Variants in NEK10 observed in about 807,000 individuals in gnomAD.
NEK10 encodes the protein NIMA related kinase 10, also known as serine/threonine-protein kinase Nek10.
NEK10 carries 122 observed loss-of-function variants against 159.8 expected under a neutral mutation model. The observed-to-expected ratio is 0.76, with a 90% CI of 0.66 to 0.89. The LOEUF is 0.89. Ranked by LOEUF, NEK10 falls within the 40% of genes least tolerant of loss-of-function variation. The pLI is 0.00. For missense variants in NEK10, 1,342 were observed against 1,323.1 expected, an observed-to-expected ratio of 1.01 and a Z score of -0.22; for synonymous variants, 466 against 457.1, an observed-to-expected ratio of 1.02 and a Z score of -0.25.
intron 22 of NEK10, among the ~76,000 whole-genome samples, chr3:27,267,667 T>A (rs1344394829): frequency 6.6e-6 from 1 of 152,218 alleles, no homozygotes; most frequent in East Asian, 1.9e-4. Context: ...GACTGCTACA[T>A]TGACTGGCTG....
intron 5 of NEK10, among the ~76,000 whole-genome samples, chr3:27,333,689 G>A (rs2046589646): frequency 6.6e-6 from 1 of 152,114 alleles, no homozygotes; most frequent in Non-Finnish European, 1.5e-5. Flanking sequence ...CCATACCCAG[G>A]TAGGAGGCAT....
intron 23 of NEK10, among the ~76,000 whole-genome samples, chr3:27,247,710 C>T (rs898968560): frequency 1.3e-5 from 2 of 151,622 alleles, no homozygotes; most frequent in African/African-American, 2.4e-5. Flanking sequence ...TAATATTTTG[C>T]ATTGTTAGTA....
At chr3:27,256,015 C>T (rs143352893) in intron 23 of NEK10, among the ~76,000 whole-genome samples, 2 of 152,236 alleles carry the variant, frequency 1.3e-5, no homozygotes, top group East Asian at 3.9e-4. Flanking sequence ...ACAACTATTG[C>T]ACACCTACTA....
chr3:27,307,044 C>T (rs4973871), intron 11 of NEK10, among the ~76,000 whole-genome samples: 35,275 of 152,088 alleles, frequency 0.23, 4,449 homozygotes, highest in Middle Eastern at 0.37. Context: ...CATCTGTCTA[C>T]CGTATCAGTT....
chr3:27,223,758 T>C (rs1952356749), intron 23 of NEK10, among the ~76,000 whole-genome samples: 1 of 152,134 alleles, frequency 6.6e-6, no homozygotes, highest in African/African-American at 2.4e-5. Flanking sequence ...TGACCCTATG[T>C]CTCCTTACCA....
At chr3:27,208,949 A>C (rs1047080755) in intron 23 of NEK10, among the ~76,000 whole-genome samples, 4 of 152,212 alleles carry the variant, frequency 2.6e-5, no homozygotes, top group Admixed American at 6.5e-5. Context: ...ACTTTTCTGA[A>C]CACAAACCTC....
intron 31 of NEK10, among the ~76,000 whole-genome samples, chr3:27,134,502 T>C (rs1202079361): frequency 6.6e-6 from 1 of 152,204 alleles, no homozygotes; most frequent in Non-Finnish European, 1.5e-5. Context: ...GCTCATAGCT[T>C]CCTTCAAAGG....
intron 23 of NEK10, among the ~76,000 whole-genome samples, chr3:27,220,699 C>T (rs372249184): frequency 2.0e-5 from 3 of 151,754 alleles, no homozygotes; most frequent in East Asian, 1.9e-4. Context: ...TAGAAACACA[C>T]GGGACACAGA....
chr3:27,287,677 A>G, intron 20 of NEK10, 21 bp downstream of exon 20: 1 of 1,559,142 alleles, frequency 6.4e-7, no homozygotes, highest in Non-Finnish European at 8.6e-7. Context: ...ATTTAGAAAT[A>G]TCATGAAAAC....
rs368507997 is a variant in NEK10, at chr3:27,129,351, G to A, written c.3081+2529C>T. Among the ~76,000 whole-genome samples the A allele has an allele frequency of 3.3e-5, 5 of 152,118 alleles. No individual in the cohort carries two copies. In the East Asian group the frequency reaches 5.8e-4, roughly 18 times the overall value. ...CCGTGGGTTTTAGAAGTTTCAGTGA[G>A]AAAGGTAGAAATCAAGTGCATTTAC... On this transcript the variant is annotated intron_variant, in intron 32 of 35. Transcript: ENST00000691995.
At chr3:27,263,659 G>A (rs185120513) in intron 22 of NEK10, among the ~76,000 whole-genome samples, 23 of 152,308 alleles carry the variant, frequency 1.5e-4, no homozygotes, top group South Asian at 6.2e-4. Flanking sequence ...TGCTAAGACC[G>A]TTGGAAAAGC....
At position 27,311,062 on chromosome 3, in the gene NEK10, G is replaced by C. The variant is rs116550070; in HGVS notation, c.569-46C>G. 2.2e-3 allele frequency: 2,654 copies of C among 1,214,084 alleles called. 51 individuals are homozygous for C. The African/African-American group carries it at 0.032, about 15-fold the overall frequency. The allele number at this position is 1,214,084 out of a possible 1,614,324, so 75.2% of individuals were successfully genotyped here. A position where few individuals can be genotyped will look rare whatever the true frequency, so the allele number is the denominator to read the frequency against. On this transcript the variant is annotated intron_variant, in intron 8 of 35. Coordinates refer to ENST00000691995, the MANE Select transcript of NEK10 (RefSeq NM_001394966.1). ...GCAAAGAGGCATCCAGAGATTAAAGGGGGAGTACTTCCAGGAGCACAGATC... is the reference window on the plus strand; with the variant it reads ...GCAAAGAGGCATCCAGAGATTAAAGCGGGAGTACTTCCAGGAGCACAGATC...
intron 22 of NEK10, among the ~76,000 whole-genome samples, chr3:27,279,905 C>T (rs2042027256): frequency 6.6e-6 from 1 of 152,054 alleles, no homozygotes. Flanking sequence ...CGCGGTGGCT[C>T]ACGCCTGTAA....
chr3:27,349,748 T>A (rs923368096), intron 3 of NEK10, among the ~76,000 whole-genome samples: 12 of 152,198 alleles, frequency 7.9e-5, no homozygotes. Context: ...ACATCTCCAA[T>A]CAGCTTTGTA....
intron 26 of NEK10, among the ~76,000 whole-genome samples, chr3:27,180,259 G>T (rs1268203198): frequency 1.3e-5 from 2 of 151,944 alleles, no homozygotes; most frequent in African/African-American, 2.4e-5. Flanking sequence ...GACAGGCATG[G>T]TGGTGCGTGC....
chr3:27,153,052 T>C (rs1945040728), intron 30 of NEK10, among the ~76,000 whole-genome samples: 1 of 152,024 alleles, frequency 6.6e-6, no homozygotes, highest in African/African-American at 2.4e-5. Flanking sequence ...CCAGGCGCGG[T>C]GGCTCATGCC....
chr3:27,135,568 A>G (rs1301044253), intron 31 of NEK10, among the ~76,000 whole-genome samples: 1 of 152,234 alleles, frequency 6.6e-6, no homozygotes, highest in Non-Finnish European at 1.5e-5. Context: ...AGAACTTGCT[A>G]TATTCTCTAG....
chr3:27,266,856 G>A (rs1575521122), intron 22 of NEK10, among the ~76,000 whole-genome samples: 1 of 152,218 alleles, frequency 6.6e-6, no homozygotes, highest in South Asian at 2.1e-4. Context: ...CTTGTGCAGT[G>A]TGCAGGATGC....
chr3:27,106,747 A>T lies in NEK10; in HGVS notation c.*4525T>A, dbSNP rs553993125. 6.6e-6 allele frequency among the ~76,000 whole-genome samples: 1 copy of T among 152,258 alleles called. No individual in the cohort carries two copies. The highest frequency in any genetic ancestry group is 1.5e-5 in the Non-Finnish European group (1 of 68,012). Reference sequence around the variant, plus strand: ...CACATGTTTGCAAAAACTTCGGCTAATTTTTCATTTGTGAACTCACCATAT... The same window carrying T: ...CACATGTTTGCAAAAACTTCGGCTATTTTTTCATTTGTGAACTCACCATAT... On this transcript the variant is annotated 3_prime_UTR_variant, in exon 36 of 36. Transcript: ENST00000691995.
Sources: gnomAD v4.1 joint callset for allele counts (sites outside exome capture counted in the v4.1 genomes callset) on GRCh38, gnomAD v4.1.1 for gene constraint, MANE v1.5 for transcripts, NCBI Gene and HGNC (gene_info 2026-07-23, HGNC 2026-07-21) for gene names.